DGKH: variants seen among roughly 807,000 people sequenced by gnomAD.
DGKH encodes the protein DAG kinase eta.
Under a neutral mutation model 159.3 loss-of-function variants are expected in DGKH, and 90 were observed. The observed-to-expected ratio is 0.57, with a 90% CI of 0.48 to 0.67. The LOEUF (loss-of-function observed/expected upper bound fraction) is 0.67, where lower values mean the gene tolerates loss of function less well. DGKH is among the 30% of genes least tolerant of loss of function. The probability of loss-of-function intolerance (pLI) is 0.00; values close to 1 mark genes in which losing one functional copy is unlikely to be tolerated. For synonymous variants in DGKH, 536 were observed against 553.8 expected (o/e 0.97, Z 0.45); for missense variants, 1,181 against 1,506.1 (o/e 0.78, Z 3.57).
At chr13:42,216,402 T>C (rs1957795673) in intron 26 of DGKH, among the ~76,000 whole-genome samples, 1 of 152,234 alleles carries the variant, frequency 6.6e-6, no homozygotes, top group Non-Finnish European at 1.5e-5. Flanking sequence ...CTTTTTATAA[T>C]TCTGGTTAAT....
In DGKH at chr13:42,069,577, G is replaced by T. The variant is rs564739786; in HGVS notation, c.192+20612G>T. On this transcript the variant is annotated intron_variant, in intron 1 of 29. Coordinates refer to ENST00000337343, the MANE Select transcript of DGKH (RefSeq NM_178009.5). ...CAGTTGCCGTGATGCTTCCTCTAGC[G>T]CTATCTGGGCTTTAACCAATCCATT... The T allele has an allele frequency of 3.2e-6, 5 of 1,575,574 alleles. No homozygotes were observed. The East Asian group carries it at 1.1e-4, about 35-fold the overall frequency.
At position 42,135,489 on chromosome 13, in the gene DGKH, C is replaced by CACAAAAAAAAAAAAAAAAAAAAAAA. The variant is rs1223953901; in HGVS notation, c.384+5858_384+5859insCAAAAAAAAAAAAAAAAAAAAAAAA. 3.1e-3 allele frequency among the ~76,000 whole-genome samples: 157 copies of CACAAAAAAAAAAAAAAAAAAAAAAA among 50,924 alleles called. 13 individuals are homozygous for CACAAAAAAAAAAAAAAAAAAAAAAA. The highest frequency in any genetic ancestry group is 0.028 in the Middle Eastern group (2 of 72). 33.4% of individuals were successfully genotyped at this position (50,924 alleles called of 152,430 possible). The stretch of plus-strand genomic sequence containing the variant: ...TGGGTGGCAGAGAAAGACCCTGTCT[C>CACAAAAAAAAAAAAAAAAAAAAAAA]AGAAAAAAAAAAAAAAAAAGAGAGA... On this transcript the variant is annotated intron_variant, in intron 3 of 29. Coordinates refer to ENST00000337343, the MANE Select transcript of DGKH (RefSeq NM_178009.5).
intron 21 of DGKH, 116 bp downstream of exon 21, chr13:42,206,262 T>C (rs9594704): frequency 0.25 from 137,890 of 546,350 alleles, 19,027 homozygotes; most frequent in Admixed American, 0.3. Context: ...ATATTTTGCA[T>C]TGGGTAAGTG....
intron 16 of DGKH, 68 bp downstream of exon 16, chr13:42,190,593 G>A: frequency 6.8e-7 from 1 of 1,468,954 alleles, no homozygotes; most frequent in Non-Finnish European, 9.1e-7. Context: ...GTTTTCAAAA[G>A]GCTGATCAGT....
intron 1 of DGKH, among the ~76,000 whole-genome samples, chr13:42,073,780 C>G (rs1283847866): frequency 6.6e-6 from 1 of 152,150 alleles, no homozygotes; most frequent in Admixed American, 6.6e-5. Flanking sequence ...TGGATACATG[C>G]TGTCACAGAA....
At chr13:42,085,480 T>C (rs1022189061) in intron 1 of DGKH, among the ~76,000 whole-genome samples, 4 of 152,208 alleles carry the variant, frequency 2.6e-5, no homozygotes, top group African/African-American at 9.7e-5. Context: ...ATTTGAAGGT[T>C]CTGACCATTC....
intron 1 of DGKH, among the ~76,000 whole-genome samples, chr13:42,064,656 A>T (rs1006380218): frequency 4.6e-5 from 7 of 152,198 alleles, no homozygotes; most frequent in African/African-American, 1.7e-4. Flanking sequence ...TAATCATTCA[A>T]ATTTAAAAAA....
At chr13:42,106,117 C>T (rs7333528) in intron 1 of DGKH, among the ~76,000 whole-genome samples, 66,148 of 151,696 alleles carry the variant, frequency 0.44, 14,720 homozygotes, top group Non-Finnish European at 0.47. Flanking sequence ...AAGTGATGGT[C>T]CTGACTCAGC....
intron 29 of DGKH, among the ~76,000 whole-genome samples, chr13:42,248,369 T>G (rs1291212140): frequency 6.6e-6 from 1 of 151,334 alleles, no homozygotes; most frequent in African/African-American, 2.4e-5. Context: ...TTGCTTGCAG[T>G]GACCTGAGAC....
rs199680111 is a variant in DGKH at position 42,236,401 on chromosome 13, T to TA, written c.*7220dup. On this transcript the variant is annotated 3_prime_UTR_variant, in exon 30 of 30. Transcript: ENST00000337343. Reference sequence around the variant, plus strand: ...AGCGGAATAGTAATAGACACTTTGTTAAAAAAATAAGTTTCATGTTTAAAA... The same window carrying TA: ...AGCGGAATAGTAATAGACACTTTGTTAAAAAAAATAAGTTTCATGTTTAAAA... 1 of 152,108 alleles carries TA rather than the reference T, an allele frequency of 6.6e-6. No homozygotes were observed. Among genetic ancestry groups the TA allele is most frequent in the Non-Finnish European group, 1.5e-5 (1 of 68,016 alleles). 9.4% of individuals were successfully genotyped at this position (152,108 alleles called of 1,614,324 possible).
At position 42,070,043 on chromosome 13, in the gene DGKH, G is replaced by C. The variant is rs918277984; in HGVS notation, c.192+21078G>C. Reference sequence around the variant, plus strand: ...TAGTACCTTTCCCAGTTATAAATGTGACTGTGAGTTTCATCCATAAGCAAA... The same window carrying C: ...TAGTACCTTTCCCAGTTATAAATGTCACTGTGAGTTTCATCCATAAGCAAA... On this transcript the variant is annotated intron_variant, in intron 1 of 29. Transcript: ENST00000337343. The C allele has an allele frequency of 4.4e-6, 4 of 917,120 alleles. No homozygotes were observed. The African/African-American group carries it at 4.8e-5, about 11-fold the overall frequency. 56.8% of individuals were successfully genotyped at this position (917,120 alleles called of 1,614,324 possible). A position where few individuals can be genotyped will look rare whatever the true frequency, so the allele number is the denominator to read the frequency against.
intron 11 of DGKH, among the ~76,000 whole-genome samples, chr13:42,172,621 A>G (rs1017498041): frequency 2.6e-5 from 4 of 152,150 alleles, no homozygotes; most frequent in Non-Finnish European, 4.4e-5. Flanking sequence ...CTTAAAATTC[A>G]TTTGTTAAGG....
intron 1 of DGKH, among the ~76,000 whole-genome samples, chr13:42,102,809 G>A (rs993249056): frequency 2.6e-5 from 4 of 152,180 alleles, no homozygotes; most frequent in Non-Finnish European, 1.5e-5. Flanking sequence ...GCCTTGGAAC[G>A]GAGTTCATTC....
intron 9 of DGKH, among the ~76,000 whole-genome samples, chr13:42,167,842 A>G (rs1033778200): frequency 2.0e-5 from 3 of 152,076 alleles, no homozygotes; most frequent in Admixed American, 6.5e-5. Flanking sequence ...ACTTCCTGAG[A>G]TTGTCCCTCT....
In DGKH at chr13:42,155,811, C is replaced by T; in HGVS notation, c.622+12C>T. Reference sequence around the variant, plus strand: ...CCTGTCCTGCGAAGGTACTGTAGCACCTAGCATGTGTTTTCTCCCAACAGT... The same window carrying T: ...CCTGTCCTGCGAAGGTACTGTAGCATCTAGCATGTGTTTTCTCCCAACAGT... On this transcript the variant is annotated intron_variant, in intron 5 of 29. Coordinates refer to ENST00000337343, the MANE Select transcript of DGKH (RefSeq NM_178009.5). 6.2e-7 allele frequency: 1 copy of T among 1,613,866 alleles called. No homozygotes were observed. The highest frequency in any genetic ancestry group is 8.5e-7 in the Non-Finnish European group (1 of 1,179,934).
chr13:42,186,471 C>T (rs1393943176), intron 13 of DGKH, among the ~76,000 whole-genome samples: 1 of 152,070 alleles, frequency 6.6e-6, no homozygotes, highest in South Asian at 2.1e-4. Flanking sequence ...CTAACAAGAC[C>T]TAAATTAAAT....
intron 1 of DGKH, chr13:42,071,024 T>G (rs1882930101): frequency 7.8e-7 from 1 of 1,276,898 alleles, no homozygotes; most frequent in Non-Finnish European, 1.1e-6. Flanking sequence ...CCCAGTGGTT[T>G]TAAGTCCATA....
intron 1 of DGKH, among the ~76,000 whole-genome samples, chr13:42,086,066 C>T (rs1026859767): frequency 6.6e-6 from 1 of 152,008 alleles, no homozygotes; most frequent in Non-Finnish European, 1.5e-5. Flanking sequence ...TACAGGCATG[C>T]ACCACTACAC....
chr13:42,050,421 A>G (rs1414037398), intron 1 of DGKH, among the ~76,000 whole-genome samples: 5 of 152,234 alleles, frequency 3.3e-5, no homozygotes. Flanking sequence ...CATGTGTGTA[A>G]GAACAACACA....
Sources: allele counts gnomAD v4.1 joint callset (sites outside exome capture counted in the v4.1 genomes callset), GRCh38; gene constraint gnomAD v4.1.1; transcripts MANE v1.5; gene names NCBI Gene and HGNC (gene_info 2026-07-23, HGNC 2026-07-21).